The following GRSF1 variants were observed in gnomAD, a reference collection of about 807,000 sequenced individuals.
The protein encoded by GRSF1 is G-rich sequence factor 1.
Under a neutral mutation model 51.1 loss-of-function variants are expected in GRSF1, and 50 were observed. The ratio of observed to expected loss-of-function variants is 0.98; its 90% confidence interval spans 0.78 to 1.24. The LOEUF (loss-of-function observed/expected upper bound fraction) is 1.24, where lower values mean the gene tolerates loss of function less well. GRSF1 is among the 50% of genes most tolerant of loss of function. The pLI is 0.00. For missense variants in GRSF1, 700 were observed against 639.7 expected (o/e 1.09, Z -1.02); for synonymous variants, 293 against 253.3 (o/e 1.16, Z -1.49).
rs534227505 is a variant in GRSF1, at chr4:70,821,553, C to T, written c.*26-692G>A. Among the ~76,000 whole-genome samples the T allele has an allele frequency of 1.5e-3, 218 of 147,490 alleles. 1 individual carries two copies. The highest frequency in any genetic ancestry group is 4.0e-3 in the Admixed American group (58 of 14,636). On this transcript the variant is annotated intron_variant, in intron 9 of 9. Transcript: ENST00000254799. ...CCCGGGGGGCGGAGGTTGCAGTAAGCGGAGATCACACCACTGCACTCCAGC... is the reference window on the plus strand; with the variant it reads ...CCCGGGGGGCGGAGGTTGCAGTAAGTGGAGATCACACCACTGCACTCCAGC...
chr4:70,836,867 G>A (rs771535040), intron 1 of GRSF1, among the ~76,000 whole-genome samples: 66 of 152,222 alleles, frequency 4.3e-4, no homozygotes, highest in Non-Finnish European at 7.3e-4. Flanking sequence ...GCGAGAGAAA[G>A]AAGCAGTACG....
intron 2 of GRSF1, among the ~76,000 whole-genome samples, chr4:70,834,104 CA>C (rs1232400159): frequency 6.6e-6 from 1 of 152,040 alleles, no homozygotes; most frequent in Non-Finnish European, 1.5e-5. Context: ...ACTAAAAATA[CA>C]AAAATTAGCC....
upstream of GRSF1, among the ~76,000 whole-genome samples, chr4:70,842,856 G>A (rs1734484522): frequency 6.6e-6 from 1 of 152,012 alleles, no homozygotes; most frequent in South Asian, 2.1e-4. Flanking sequence ...GCAACCTGGC[G>A]ACATCCCGTA....
rs1361579790 is a variant in GRSF1, at chr4:70,826,164, C to T, written c.1217G>A (p.Arg406Lys). ...TTSSLHFVHM[R>K]GLPFQANAQD... ...GGCATTGGCTTGGAAAGGTAATCCT[C>T]TCATGTGGACAAAATGCAGAGAAGA... The change falls in exon 7 of 10, where the codon AGA becomes AAA. Residue 406 changes from arginine to lysine, a missense_variant. Coordinates refer to ENST00000254799, the MANE Select transcript of GRSF1 (RefSeq NM_002092.4). The T allele has an allele frequency of 2.5e-6, 4 of 1,611,224 alleles. No homozygotes were observed. Among genetic ancestry groups the T allele is most frequent in the East Asian group, 4.5e-5 (2 of 44,868 alleles).
At chr4:70,838,234 A>AC (rs1218514023) in intron 1 of GRSF1, among the ~76,000 whole-genome samples, 3 of 151,706 alleles carry the variant, frequency 2.0e-5, no homozygotes, top group Non-Finnish European at 4.4e-5. Context: ...AAAAAAAAAA[A>AC]AAAAGGCTTA....
At chr4:70,837,804 T>G (rs1195332717) in intron 1 of GRSF1, among the ~76,000 whole-genome samples, 2 of 150,566 alleles carry the variant, frequency 1.3e-5, no homozygotes, top group African/African-American at 4.9e-5. Context: ...CCCGGCTAAT[T>G]TTTTTGCATT....
intron 2 of GRSF1, among the ~76,000 whole-genome samples, chr4:70,834,340 T>C (rs1734107434): frequency 6.6e-6 from 1 of 152,108 alleles, no homozygotes; most frequent in Non-Finnish European, 1.5e-5. Flanking sequence ...CCTCCAAACA[T>C]GTTATTAAGG....
At chr4:70,823,690 T>C (rs1733614387) in intron 9 of GRSF1, among the ~76,000 whole-genome samples, 1 of 151,662 alleles carries the variant, frequency 6.6e-6, no homozygotes, top group East Asian at 2.0e-4. Flanking sequence ...GGCAACATAG[T>C]GAGACCCCAT....
intron 9 of GRSF1, among the ~76,000 whole-genome samples, chr4:70,823,534 C>A (rs977918108): frequency 6.7e-6 from 1 of 149,186 alleles, no homozygotes; most frequent in Admixed American, 6.6e-5. Flanking sequence ...AATTTTCATT[C>A]CTTATATTGA....
rs1280272261 is a variant in GRSF1 at position 70,839,859 on chromosome 4, A to T, written c.-32T>A. ...CGGAGGCGGCGCAGGGCCTGAAGGC[A>T]GCTGCTCCAGCAGCGATGGTGGAAC... On this transcript the variant is annotated 5_prime_UTR_variant, in exon 1 of 10. Coordinates refer to ENST00000254799, the MANE Select transcript of GRSF1 (RefSeq NM_002092.4). 6.9e-7 allele frequency: 1 copy of T among 1,452,886 alleles called. No homozygotes were observed. The highest frequency in any genetic ancestry group is 1.4e-5 in the South Asian group (1 of 74,072). The allele number at this position is 1,452,886 out of a possible 1,614,324, so 90.0% of individuals were successfully genotyped here.
chr4:70,833,198 A>T lies in GRSF1; in HGVS notation c.590T>A (p.Leu197Ter). The change falls in exon 3 of 10, where the codon TTA (leucine) becomes TAA (stop). Residue 197 changes from leucine to a stop codon, truncating the protein, a stop_gained. Coordinates refer to ENST00000254799, the MANE Select transcript of GRSF1 (RefSeq NM_002092.4). LOFTEE classifies it high-confidence loss of function. ...NRDGKRRGDA[L>*]IEMESEQDVQ... is the part of the protein sequence containing the mutation. ...ATCCTGCTCTGACTCCATTTCAATTAAGGCATCACCCCTTCGTTTCCCATC... is the reference window on the plus strand; with the variant it reads ...ATCCTGCTCTGACTCCATTTCAATTTAGGCATCACCCCTTCGTTTCCCATC... 6.2e-7 allele frequency: 1 copy of T among 1,613,826 alleles called. No homozygotes were observed. The highest frequency in any genetic ancestry group is 2.2e-5 in the East Asian group (1 of 44,874).
intron 9 of GRSF1, among the ~76,000 whole-genome samples, chr4:70,822,596 A>C (rs1202270020): frequency 6.9e-4 from 5 of 7,226 alleles, no homozygotes; most frequent in African/African-American, 8.7e-4. Flanking sequence ...AAAAAAAAAA[A>C]AAAAAAAAAC....
Position 70,816,576 on chromosome 4 carries a change from TAGTC to T in GRSF1, c.*4307_*4310del, listed in dbSNP as rs1307902261. 1 of 148,174 alleles carries T rather than the reference TAGTC, an allele frequency of 6.7e-6. No individual in the cohort carries two copies. Among genetic ancestry groups the T allele is most frequent in the South Asian group, 2.2e-4 (1 of 4,620 alleles). The allele number at this position is 148,174 out of a possible 1,614,324, so 9.2% of individuals were successfully genotyped here. ...CCATCTCTACTAAAAATACAAAAAT[TAGTC>T]AGGCGTGGTGGTGCACATCTGTAAT... On this transcript the variant is annotated 3_prime_UTR_variant, in exon 10 of 10. Coordinates refer to ENST00000254799, the MANE Select transcript of GRSF1 (RefSeq NM_002092.4).
Position 70,825,432 on chromosome 4 carries a change from C to T in GRSF1, c.1258-1G>A. Reference sequence around the variant, plus strand: ...TAACAGGCTTGAGTGGAGCAAAAAACTAAACGACAAACAAAGGCAGTCAAG... The same window carrying T: ...TAACAGGCTTGAGTGGAGCAAAAAATTAAACGACAAACAAAGGCAGTCAAG... On this transcript the variant is annotated splice_acceptor_variant, in intron 7 of 9. Transcript: ENST00000254799. LOFTEE classifies it high-confidence loss of function. 1 of 1,605,980 alleles carries T rather than the reference C, an allele frequency of 6.2e-7. No homozygotes were observed. The highest frequency in any genetic ancestry group is 8.5e-7 in the Non-Finnish European group (1 of 1,174,934).
intron 5 of GRSF1, among the ~76,000 whole-genome samples, chr4:70,830,584 C>T (rs912538302): frequency 6.6e-6 from 1 of 151,946 alleles, no homozygotes; most frequent in Non-Finnish European, 1.5e-5. Flanking sequence ...TTTTGGAGGC[C>T]GAGGTGGGTG....
intron 9 of GRSF1, among the ~76,000 whole-genome samples, chr4:70,823,789 G>A (rs985786962): frequency 1.3e-5 from 2 of 151,978 alleles, no homozygotes; most frequent in African/African-American, 4.8e-5. Flanking sequence ...AGAATCACCT[G>A]AGCCCAGAAG....
chr4:70,836,511 A>C (rs185579381), intron 1 of GRSF1, among the ~76,000 whole-genome samples, 197 bp from the exon 2 acceptor site: 1 of 152,312 alleles, frequency 6.6e-6, no homozygotes, highest in Admixed American at 6.5e-5. Flanking sequence ...GTATATCCTA[A>C]AGGTTTGGCA....
At chr4:70,840,003 G>T (rs545289715), upstream of GRSF1, 355 of 554,306 alleles carry the variant, frequency 6.4e-4, 2 homozygotes, top group African/African-American at 6.5e-3. Context: ...GCTCCGCCCA[G>T]TCTCCGCCCT....
At chr4:70,838,231 A>AAAC (rs1261013137) in intron 1 of GRSF1, among the ~76,000 whole-genome samples, 1 of 151,662 alleles carries the variant, frequency 6.6e-6, no homozygotes, top group Non-Finnish European at 1.5e-5. Flanking sequence ...AAAAAAAAAA[A>AAAC]AAAAAAAGGC....
Sources: gnomAD v4.1 joint callset for allele counts (sites outside exome capture counted in the v4.1 genomes callset) on GRCh38, gnomAD v4.1.1 for gene constraint, MANE v1.5 for transcripts, NCBI Gene and HGNC (gene_info 2026-07-23, HGNC 2026-07-21) for gene names.